CTNNA2: variants seen among roughly 807,000 people sequenced by gnomAD.
CTNNA2 encodes the protein catenin alpha 2.
CTNNA2 carries 42 observed loss-of-function variants against 101.0 expected under a neutral mutation model. That is an observed-to-expected ratio of 0.42 (90% CI 0.32 to 0.54). The LOEUF is 0.54. CTNNA2 is among the 20% of genes least tolerant of loss of function. CTNNA2 has a pLI of 0.14. For missense variants in CTNNA2, 871 were observed against 1,223.1 expected (o/e 0.71, Z 4.29); for synonymous variants, 450 against 456.4 (o/e 0.99, Z 0.18).
intron 7 of CTNNA2, among the ~76,000 whole-genome samples, chr2:80,083,769 C>G (rs1363373345): frequency 6.6e-6 from 1 of 152,058 alleles, no homozygotes; most frequent in East Asian, 1.9e-4. Context: ...GGCTTCTTTA[C>G]CAAAGTCTAC....
chr2:80,073,102 A>C (rs1363865243), intron 7 of CTNNA2, among the ~76,000 whole-genome samples: 2 of 152,232 alleles, frequency 1.3e-5, no homozygotes, highest in Non-Finnish European at 2.9e-5. Context: ...AGCACTGAAA[A>C]TATTTGGAGA....
intron 1 of CTNNA2, among the ~76,000 whole-genome samples, chr2:79,186,008 T>C (rs1177475786): frequency 6.6e-6 from 1 of 152,214 alleles, no homozygotes; most frequent in Non-Finnish European, 1.5e-5. Flanking sequence ...CTGCCAGTTA[T>C]GCAGCCACCT....
chr2:79,396,646 A>G (rs1173067925), intron 4 of CTNNA2, among the ~76,000 whole-genome samples: 2 of 152,154 alleles, frequency 1.3e-5, no homozygotes, highest in Non-Finnish European at 2.9e-5. Context: ...ATAATTCAGG[A>G]CTTATTTAAG....
intron 9 of CTNNA2, among the ~76,000 whole-genome samples, chr2:80,544,730 A>C (rs1691887437): frequency 6.6e-6 from 1 of 152,210 alleles, no homozygotes; most frequent in Non-Finnish European, 1.5e-5. Flanking sequence ...AAGAAAAAAC[A>C]GTTCATAAAA....
At chr2:80,099,053 G>A (rs767286724) in intron 7 of CTNNA2, among the ~76,000 whole-genome samples, 18 of 151,846 alleles carry the variant, frequency 1.2e-4, no homozygotes, top group Non-Finnish European at 2.2e-4. Context: ...GATGAACCCG[G>A]TACCTCAGTT....
intron 1 of CTNNA2, among the ~76,000 whole-genome samples, chr2:79,599,026 C>G (rs1677380921): frequency 6.6e-6 from 1 of 151,934 alleles, no homozygotes; most frequent in South Asian, 2.1e-4. Context: ...TGTGAATATC[C>G]AGTTTTTCCA....
chr2:80,613,076 G>T (rs1233626937), intron 17 of CTNNA2: 1 of 151,142 alleles, frequency 6.6e-6, no homozygotes, highest in African/African-American at 2.4e-5. Context: ...CAAATGAAAT[G>T]AGTAGTTACC....
chr2:79,242,542 C>G (rs1447920644), intron 2 of CTNNA2, among the ~76,000 whole-genome samples: 1 of 152,138 alleles, frequency 6.6e-6, no homozygotes, highest in African/African-American at 2.4e-5. Flanking sequence ...CACTTTAGCA[C>G]TCATCTCTTG....
intron 2 of CTNNA2, among the ~76,000 whole-genome samples, chr2:79,255,942 G>A (rs1283007245): frequency 6.6e-6 from 1 of 152,104 alleles, no homozygotes; most frequent in Non-Finnish European, 1.5e-5. Context: ...TGAGAAGAAA[G>A]GCTCTGGAGA....
At chr2:80,126,170 G>C (rs1702098334) in intron 7 of CTNNA2, among the ~76,000 whole-genome samples, 1 of 151,694 alleles carries the variant, frequency 6.6e-6, no homozygotes, top group Non-Finnish European at 1.5e-5. Flanking sequence ...TCTTTTTTCT[G>C]AAAAGAAAAA....
intron 17 of CTNNA2, among the ~76,000 whole-genome samples, chr2:80,611,757 C>A (rs745968336): frequency 6.6e-6 from 1 of 151,496 alleles, no homozygotes; most frequent in Admixed American, 6.6e-5. Flanking sequence ...AATTAGCATA[C>A]TGAATATCAA....
At chr2:80,012,144 G>A (rs971574006) in intron 7 of CTNNA2, among the ~76,000 whole-genome samples, 1 of 152,200 alleles carries the variant, frequency 6.6e-6, no homozygotes. Flanking sequence ...GTGTCTCATT[G>A]GTCCCAGGGC....
chr2:79,453,748 A>C (rs1298127788), intron 4 of CTNNA2, among the ~76,000 whole-genome samples: 1 of 152,138 alleles, frequency 6.6e-6, no homozygotes, highest in Non-Finnish European at 1.5e-5. Flanking sequence ...CTCCTGCTTT[A>C]ACCCCAAGAA....
chr2:79,890,154 C>G (rs989743), intron 6 of CTNNA2, among the ~76,000 whole-genome samples: 23,837 of 152,146 alleles, frequency 0.16, 2,227 homozygotes, highest in Middle Eastern at 0.21. Flanking sequence ...CTTTGTTGGT[C>G]TCTGAAGATT....
intron 9 of CTNNA2, among the ~76,000 whole-genome samples, chr2:80,516,307 C>T (rs1689105273): frequency 6.6e-6 from 1 of 152,146 alleles, no homozygotes; most frequent in African/African-American, 2.4e-5. Flanking sequence ...GTGTTTGTTA[C>T]CCATATGTAG....
chr2:80,254,037 A>G (rs1273693167), intron 7 of CTNNA2, among the ~76,000 whole-genome samples: 1 of 152,160 alleles, frequency 6.6e-6, no homozygotes, highest in Admixed American at 6.5e-5. Flanking sequence ...CAAGCCAAAC[A>G]TGCTTGCCAG....
intron 6 of CTNNA2, among the ~76,000 whole-genome samples, chr2:79,900,726 A>C (rs374656243): frequency 1.3e-5 from 2 of 152,202 alleles, no homozygotes; most frequent in East Asian, 1.9e-4. Flanking sequence ...CAAACCACAA[A>C]ATTTAAATAT....
At chr2:80,306,395 TTTTCTTTTCTTTC>T (rs1399625070) in intron 7 of CTNNA2, among the ~76,000 whole-genome samples, 1,524 of 134,952 alleles carry the variant, frequency 0.011, 26 homozygotes, top group African/African-American at 0.039. Context: ...TTTTCTTTTC[TTTTCTTTTCTTTC>T]TTTCTTTCTT....
intron 3 of CTNNA2, among the ~76,000 whole-genome samples, chr2:79,329,679 G>T (rs1242399542): frequency 1.3e-5 from 2 of 152,176 alleles, no homozygotes; most frequent in African/African-American, 4.8e-5. Context: ...GTAGCATGAG[G>T]CATTTCCTTC....
Sources: gnomAD v4.1 joint callset for allele counts (sites outside exome capture counted in the v4.1 genomes callset) on GRCh38, gnomAD v4.1.1 for gene constraint, MANE v1.5 for transcripts, NCBI Gene and HGNC (gene_info 2026-07-23, HGNC 2026-07-21) for gene names.